The following DPP10 variants were observed in gnomAD, a reference collection of about 807,000 sequenced individuals.
DPP10 encodes the protein inactive dipeptidyl peptidase 10.
In DPP10, 33 loss-of-function variants were observed where a neutral mutation model predicts 120.9. The observed-to-expected ratio is 0.27, with a 90% confidence interval of 0.21 to 0.37. The LOEUF (loss-of-function observed/expected upper bound fraction) is 0.37. Among genes scored for constraint, DPP10 ranks in the 10% least tolerant of loss-of-function variants. The pLI, the probability that DPP10 is intolerant of heterozygous loss-of-function variation, is 1.00. For synonymous variants in DPP10, 337 were observed against 326.1 expected (o/e 1.03, Z -0.36); for missense variants, 816 against 942.8 (o/e 0.87, Z 1.76).
intron 5 of DPP10, among the ~76,000 whole-genome samples, chr2:115,528,920 A>G (rs1478189345): frequency 2.0e-5 from 3 of 152,054 alleles, no homozygotes; most frequent in African/African-American, 7.2e-5. Context: ...GTGGAGATAG[A>G]AATGCTCTGT....
At chr2:115,693,317 A>G (rs1488107277) in intron 7 of DPP10, among the ~76,000 whole-genome samples, 1 of 152,154 alleles carries the variant, frequency 6.6e-6, no homozygotes, top group Admixed American at 6.5e-5. Flanking sequence ...TTCATGGACA[A>G]TGGTGAGTGG....
At chr2:115,210,418 CATT>C (rs2056432892) in intron 1 of DPP10, among the ~76,000 whole-genome samples, 2 of 152,122 alleles carry the variant, frequency 1.3e-5, no homozygotes, top group Non-Finnish European at 2.9e-5. Context: ...TCCAGTCTAT[CATT>C]GTTGGACATT....
At chr2:114,979,595 T>C (rs1699961725) in intron 1 of DPP10, among the ~76,000 whole-genome samples, 1 of 152,092 alleles carries the variant, frequency 6.6e-6, no homozygotes, top group Non-Finnish European at 1.5e-5. Flanking sequence ...GTTGGACATA[T>C]AATCTTATAT....
At chr2:115,057,077 C>G (rs1367300681) in intron 1 of DPP10, among the ~76,000 whole-genome samples, 6 of 152,154 alleles carry the variant, frequency 3.9e-5, no homozygotes, top group Non-Finnish European at 8.8e-5. Context: ...AGAAAAAATT[C>G]TGTATCTTTA....
intron 1 of DPP10, among the ~76,000 whole-genome samples, chr2:114,570,914 G>T (rs1689593430): frequency 6.6e-6 from 1 of 151,650 alleles, no homozygotes; most frequent in African/African-American, 2.4e-5. Flanking sequence ...AAAAATTCAT[G>T]GATGGACTAT....
chr2:115,217,137 C>T lies in DPP10; in HGVS notation c.61-92102C>T, dbSNP rs141974986. 3.5e-4 allele frequency among the ~76,000 whole-genome samples: 53 copies of T among 152,244 alleles called. 1 individual carries two copies. Among genetic ancestry groups the T allele is most frequent in the Middle Eastern group, 3.4e-3 (1 of 294 alleles). ...TTTTCACCAGAGTTTTACCAAGACA[C>T]TTCATAATTAGGAGTAAGGAATAGG... On this transcript the variant is annotated intron_variant, in intron 1 of 25. Coordinates refer to ENST00000410059, the MANE Select transcript of DPP10 (RefSeq NM_020868.6).
intron 11 of DPP10, among the ~76,000 whole-genome samples, chr2:115,755,845 C>G (rs1435089622): frequency 1.3e-4 from 20 of 151,384 alleles, no homozygotes; most frequent in Non-Finnish European, 1.2e-4. Flanking sequence ...TAGAATCAAC[C>G]TAAATGTTCA....
At chr2:114,804,623 G>C (rs776684787) in intron 1 of DPP10, among the ~76,000 whole-genome samples, 10 of 152,174 alleles carry the variant, frequency 6.6e-5, no homozygotes, top group Non-Finnish European at 1.3e-4. Flanking sequence ...TGCCCTGCTG[G>C]ATTTCAGACT....
At chr2:114,781,568 T>C (rs1482862410) in intron 1 of DPP10, among the ~76,000 whole-genome samples, 1 of 151,476 alleles carries the variant, frequency 6.6e-6, no homozygotes, top group African/African-American at 2.5e-5. Flanking sequence ...ATATTGTTTT[T>C]CCATCAAGAG....
chr2:115,263,744 C>G (rs866635343), intron 1 of DPP10, among the ~76,000 whole-genome samples: 5 of 152,154 alleles, frequency 3.3e-5, no homozygotes, highest in Admixed American at 3.3e-4. Flanking sequence ...ATGATTAAGT[C>G]AAGAGTTGCT....
intron 7 of DPP10, among the ~76,000 whole-genome samples, chr2:115,702,017 A>G (rs937483402): frequency 4.6e-5 from 7 of 152,096 alleles, no homozygotes. Flanking sequence ...TCATGCCTAT[A>G]TAATCATCAA....
chr2:115,742,630 C>A (rs1468460062), intron 9 of DPP10, among the ~76,000 whole-genome samples: 1 of 152,020 alleles, frequency 6.6e-6, no homozygotes, highest in Non-Finnish European at 1.5e-5. Flanking sequence ...ATTTCAGTAT[C>A]ATTTTGGGTA....
intron 21 of DPP10, among the ~76,000 whole-genome samples, chr2:115,819,946 A>G (rs1041711786): frequency 2.0e-5 from 3 of 152,230 alleles, no homozygotes; most frequent in Non-Finnish European, 2.9e-5. Flanking sequence ...GTGAGCCGAG[A>G]TCGGACCATT....
At chr2:114,813,980 ACACACACCACG>A (rs1202338139) in intron 1 of DPP10, among the ~76,000 whole-genome samples, 4 of 150,960 alleles carry the variant, frequency 2.6e-5, no homozygotes, top group African/African-American at 9.8e-5. Flanking sequence ...ACACACACAC[ACACACACCACG>A]AGCTGGCCAT....
At chr2:115,130,341 C>A (rs976880638) in intron 1 of DPP10, among the ~76,000 whole-genome samples, 1 of 152,096 alleles carries the variant, frequency 6.6e-6, no homozygotes, top group Non-Finnish European at 1.5e-5. Flanking sequence ...TTGTTACGTT[C>A]TTCCTTAAAA....
At chr2:114,628,214 A>G (rs6730453) in intron 1 of DPP10, among the ~76,000 whole-genome samples, 16,548 of 152,090 alleles carry the variant, frequency 0.11, 1,227 homozygotes, top group East Asian at 0.2. Context: ...TAAGATTTGA[A>G]GAGGCCAGTA....
chr2:114,868,780 T>A (rs1178111978), intron 1 of DPP10, among the ~76,000 whole-genome samples: 1 of 152,148 alleles, frequency 6.6e-6, no homozygotes, highest in Non-Finnish European at 1.5e-5. Context: ...AAACAATTCT[T>A]TTTAGGAAAA....
intron 1 of DPP10, among the ~76,000 whole-genome samples, chr2:115,280,742 C>T (rs1184392116): frequency 6.6e-6 from 1 of 152,174 alleles, no homozygotes; most frequent in Non-Finnish European, 1.5e-5. Context: ...TATTCTGCTT[C>T]CTGAATTTTT....
chr2:115,661,118 T>G (rs2088936133), intron 5 of DPP10, among the ~76,000 whole-genome samples: 1 of 151,924 alleles, frequency 6.6e-6, no homozygotes, highest in African/African-American at 2.4e-5. Flanking sequence ...CCCAGCTAAT[T>G]TTTTGTATTT....
Sources: allele counts gnomAD v4.1 joint callset (sites outside exome capture counted in the v4.1 genomes callset), GRCh38; gene constraint gnomAD v4.1.1; transcripts MANE v1.5; gene names NCBI Gene and HGNC (gene_info 2026-07-23, HGNC 2026-07-21).